Variants in C10orf90 observed in about 807,000 individuals in gnomAD.
The protein encoded by C10orf90 is (E2-independent) E3 ubiquitin-conjugating enzyme FATS.
In C10orf90, 56 loss-of-function variants were observed where a neutral mutation model predicts 62.5. That is an observed-to-expected ratio of 0.90 (90% CI 0.72 to 1.12). The LOEUF (loss-of-function observed/expected upper bound fraction) is 1.12, where lower values mean the gene tolerates loss of function less well. C10orf90 is among the 50% of genes most tolerant of loss of function. The probability of loss-of-function intolerance (pLI) is 0.00; values close to 1 mark genes in which losing one functional copy is unlikely to be tolerated. For synonymous variants in C10orf90, 386 were observed against 340.4 expected (o/e 1.13, Z -1.47); for missense variants, 970 against 880.4 (o/e 1.10, Z -1.29).
chr10:126,616,940 C>T (rs1466667474), intron 2 of C10orf90, among the ~76,000 whole-genome samples: 1 of 152,176 alleles, frequency 6.6e-6, no homozygotes, highest in Non-Finnish European at 1.5e-5. Flanking sequence ...ACCTCCCCTT[C>T]TAACCAGGGC....
intron 2 of C10orf90, among the ~76,000 whole-genome samples, chr10:126,544,012 T>C (rs1440379858): frequency 2.0e-5 from 3 of 152,170 alleles, no homozygotes; most frequent in Non-Finnish European, 4.4e-5. Flanking sequence ...GGGTGGGTGA[T>C]TCTCAATTCA....
intron 2 of C10orf90, among the ~76,000 whole-genome samples, chr10:126,600,335 A>G (rs1459723577): frequency 4.6e-5 from 7 of 152,204 alleles, no homozygotes; most frequent in Non-Finnish European, 8.8e-5. Context: ...GAAAATCTCC[A>G]GGGCAATATT....
intron 1 of C10orf90, among the ~76,000 whole-genome samples, chr10:126,659,111 C>T (rs1008329073): frequency 4.6e-5 from 7 of 152,178 alleles, no homozygotes; most frequent in Admixed American, 1.3e-4. Context: ...TATAAGCACA[C>T]GGCATCTCCC....
At chr10:126,588,320 C>A (rs1160010557) in intron 2 of C10orf90, among the ~76,000 whole-genome samples, 2 of 152,250 alleles carry the variant, frequency 1.3e-5, no homozygotes, top group Non-Finnish European at 2.9e-5. Context: ...TGCACCCACA[C>A]TGCCAAGGGA....
At chr10:126,642,303 T>C (rs563042404) in intron 2 of C10orf90, among the ~76,000 whole-genome samples, 323 of 152,070 alleles carry the variant, frequency 2.1e-3, no homozygotes, top group Middle Eastern at 0.017. Flanking sequence ...GAGGCCAAGG[T>C]GGGCAGATCA....
At chr10:126,478,196 A>T (rs1438627563) in intron 4 of C10orf90, among the ~76,000 whole-genome samples, 3 of 152,224 alleles carry the variant, frequency 2.0e-5, no homozygotes, top group African/African-American at 7.2e-5. Flanking sequence ...CTTGGAATAC[A>T]GGCCCTTGGA....
intron 2 of C10orf90, among the ~76,000 whole-genome samples, chr10:126,532,785 C>G (rs1864130509): frequency 8.5e-6 from 1 of 118,096 alleles, no homozygotes; most frequent in Non-Finnish European, 1.6e-5. Context: ...TGCAGTGAGC[C>G]GAGATCGCGC....
intron 7 of C10orf90, among the ~76,000 whole-genome samples, chr10:126,448,608 G>GT (rs1282731431): frequency 1.3e-5 from 2 of 151,976 alleles, no homozygotes; most frequent in African/African-American, 4.8e-5. Context: ...ACTGAAAATT[G>GT]TTTTTTTGAA....
Position 126,480,903 on chromosome 10 carries a change from A to G in C10orf90, c.1535-15917T>C, listed in dbSNP as rs17154853. Among the ~76,000 whole-genome samples, 47 of 152,116 alleles carry G rather than the reference A, an allele frequency of 3.1e-4. No homozygotes were observed. In the East Asian group the frequency reaches 6.4e-3, roughly 21 times the overall value. ...CAGGTTATGGTAATGCTCAGCTTAG[A>G]TCTCTCTGATGGCTTTTCCTCCCAC... is the stretch of plus-strand genomic sequence containing the variant. On this transcript the variant is annotated intron_variant, in intron 4 of 9. Transcript: ENST00000488181.
chr10:126,497,203 A>G (rs998768864), intron 4 of C10orf90, among the ~76,000 whole-genome samples: 14 of 152,298 alleles, frequency 9.2e-5, no homozygotes, highest in Admixed American at 3.3e-4. Context: ...CTGATGGGAA[A>G]GGTGGCAGGC....
At chr10:126,469,756 G>T (rs767625533) in intron 4 of C10orf90, 1 of 403,212 alleles carries the variant, frequency 2.5e-6, no homozygotes. Flanking sequence ...TCTCACCTGG[G>T]TTCTCTTCCA....
In C10orf90 at chr10:126,605,879, GCATACATACATA is replaced by G. The variant is rs71488504; in HGVS notation, c.313+40674_313+40685del. On this transcript the variant is annotated intron_variant, in intron 2 of 9. Coordinates refer to ENST00000488181, the MANE Select transcript of C10orf90 (RefSeq NM_001350921.2). ...AAGGAAAACCTAAAAATACATACATGCATACATACATACATACATACATACATACATACATTT... is the reference window on the plus strand; with the variant it reads ...AAGGAAAACCTAAAAATACATACATGCATACATACATACATACATACATTT... Among the ~76,000 whole-genome samples, 311 of 142,798 alleles carry G rather than the reference GCATACATACATA, an allele frequency of 2.2e-3. 2 individuals are homozygous for G. Among genetic ancestry groups the G allele is most frequent in the African/African-American group, 7.4e-3 (250 of 33,638 alleles). 93.7% of individuals were successfully genotyped at this position (142,798 alleles called of 152,430 possible). A position where few individuals can be genotyped will look rare whatever the true frequency, so the allele number is the denominator to read the frequency against.
At chr10:126,536,441 G>A (rs527293699) in intron 2 of C10orf90, among the ~76,000 whole-genome samples, 1 of 152,280 alleles carries the variant, frequency 6.6e-6, no homozygotes, top group East Asian at 1.9e-4. Flanking sequence ...ACCTCAGATG[G>A]ATCATCCCAG....
chr10:126,443,768 T>C (rs1858557996), intron 7 of C10orf90, among the ~76,000 whole-genome samples: 1 of 152,050 alleles, frequency 6.6e-6, no homozygotes, highest in Non-Finnish European at 1.5e-5. Flanking sequence ...GATGCTAAAA[T>C]TATTAGCAAA....
intron 2 of C10orf90, among the ~76,000 whole-genome samples, chr10:126,560,332 T>C (rs1864873092): frequency 6.6e-6 from 1 of 152,178 alleles, no homozygotes; most frequent in Non-Finnish European, 1.5e-5. Context: ...TCCACTTTAC[T>C]TCATTGGCAA....
chr10:126,670,684 C>T lies in C10orf90; in HGVS notation c.-204G>A, dbSNP rs1195262210. ...TGGATGTGGGAACCTCAGGGGTGACCTTTACGTGCCAAAAAAAAAAAAAAA... is the reference window on the plus strand; with the variant it reads ...TGGATGTGGGAACCTCAGGGGTGACTTTTACGTGCCAAAAAAAAAAAAAAA... On this transcript the variant is annotated 5_prime_UTR_variant, in exon 1 of 10. Coordinates refer to ENST00000488181, the MANE Select transcript of C10orf90 (RefSeq NM_001350921.2). Among the ~76,000 whole-genome samples the T allele has an allele frequency of 1.7e-4, 19 of 108,772 alleles. No homozygotes were observed. Among genetic ancestry groups the T allele is most frequent in the Admixed American group, 7.2e-4 (7 of 9,756 alleles). The allele number at this position is 108,772 out of a possible 152,430, so 71.4% of individuals were successfully genotyped here. A position where few individuals can be genotyped will look rare whatever the true frequency, so the allele number is the denominator to read the frequency against.
chr10:126,523,670 CATCTCT>C (rs1353188088), intron 2 of C10orf90: 2 of 152,168 alleles, frequency 1.3e-5, no homozygotes, highest in African/African-American at 4.8e-5. Flanking sequence ...TACCATCATC[CATCTCT>C]AGAACTCTTT....
In C10orf90 at chr10:126,453,167, C is replaced by A. The variant is rs1019458873; in HGVS notation, c.2188+5873G>T. ...TTCCAGAGAATTCCATTCCTCTACT[C>A]GTGCATGATTTGAATGGCTCTGACT... On this transcript the variant is annotated intron_variant, in intron 7 of 9. Coordinates refer to ENST00000488181, the MANE Select transcript of C10orf90 (RefSeq NM_001350921.2). This position sits in a 1 kb window ranked among gnomAD's most constrained non-coding sequence, Gnocchi z 4.9. 5.9e-5 allele frequency among the ~76,000 whole-genome samples: 9 copies of A among 152,164 alleles called. No individual in the cohort carries two copies. The highest frequency in any genetic ancestry group is 1.9e-4 in the African/African-American group (8 of 41,440).
At chr10:126,438,590 G>C (rs1208728752) in intron 7 of C10orf90, among the ~76,000 whole-genome samples, 1 of 152,058 alleles carries the variant, frequency 6.6e-6, no homozygotes, top group East Asian at 1.9e-4. Flanking sequence ...GTTCTCCTCT[G>C]GAATGCATTG....
Sources: gnomAD v4.1 joint callset for allele counts (sites outside exome capture counted in the v4.1 genomes callset) on GRCh38, gnomAD v4.1.1 for gene constraint, Gnocchi (gnomAD v3.1) non-coding constraint, MANE v1.5 for transcripts, NCBI Gene and HGNC (gene_info 2026-07-23, HGNC 2026-07-21) for gene names.